The following VWA3B variants were observed in gnomAD, a reference collection of about 807,000 sequenced individuals.
VWA3B encodes the protein von Willebrand factor A domain containing 3B, also known as von Willebrand factor A domain-containing protein 3B.
VWA3B carries 138 observed loss-of-function variants against 158.3 expected under a neutral mutation model. The ratio of observed to expected loss-of-function variants is 0.87; its 90% confidence interval spans 0.76 to 1.00. VWA3B has a LOEUF of 1.00. Among genes scored for constraint, VWA3B ranks in the 50% least tolerant of loss-of-function variants. The pLI, the probability that VWA3B is intolerant of heterozygous loss-of-function variation, is 0.00. For missense variants in VWA3B, 1,555 were observed against 1,565.1 expected, an observed-to-expected ratio of 0.99 and a Z score of 0.11; for synonymous variants, 596 against 587.3, an observed-to-expected ratio of 1.01 and a Z score of -0.21.
intron 7 of VWA3B, among the ~76,000 whole-genome samples, chr2:98,152,143 G>T (rs1677689471): frequency 6.6e-6 from 1 of 152,200 alleles, no homozygotes; most frequent in Non-Finnish European, 1.5e-5. Flanking sequence ...AATCAGGAGT[G>T]CCTGTCCTTC....
At chr2:98,200,991 G>T (rs1404463369) in intron 12 of VWA3B, among the ~76,000 whole-genome samples, 10 of 152,186 alleles carry the variant, frequency 6.6e-5, no homozygotes, top group Admixed American at 5.9e-4. Context: ...ATAGGTGTCT[G>T]TTCTTTCACC....
At chr2:98,297,352 G>A (rs191073729) in intron 23 of VWA3B, among the ~76,000 whole-genome samples, 198 of 152,316 alleles carry the variant, frequency 1.3e-3, no homozygotes, top group African/African-American at 4.5e-3. Flanking sequence ...AAGGTTCTGA[G>A]ATTACAGGTG....
At chr2:98,203,146 C>T (rs776972647) in intron 12 of VWA3B, among the ~76,000 whole-genome samples, 12 of 151,944 alleles carry the variant, frequency 7.9e-5, no homozygotes, top group South Asian at 2.1e-4. Flanking sequence ...ATTTATTTTT[C>T]GCCTATGAAT....
intron 3 of VWA3B, 36 bp from the exon 4 acceptor site, chr2:98,119,477 G>A: frequency 1.2e-6 from 2 of 1,608,294 alleles, no homozygotes; most frequent in Non-Finnish European, 1.7e-6. Flanking sequence ...TTATTTTGGT[G>A]TTGTTTTATT....
At position 98,160,586 on chromosome 2, in the gene VWA3B, T is replaced by A. The variant is rs186140040; in HGVS notation, c.989-2265T>A. On this transcript the variant is annotated intron_variant, in intron 7 of 27. Transcript: ENST00000477737. Reference sequence around the variant, plus strand: ...TGACCCTGCCCTGTGGTGTACTCCCTCTTAAGATATTATTGACAAGTCTAG... The same window carrying A: ...TGACCCTGCCCTGTGGTGTACTCCCACTTAAGATATTATTGACAAGTCTAG... Among the ~76,000 whole-genome samples the A allele has an allele frequency of 1.5e-4, 23 of 152,328 alleles. 1 individual carries two copies. The highest frequency in any genetic ancestry group is 1.4e-3 in the Admixed American group (21 of 15,306).
At chr2:98,284,363 G>A (rs1054348105) in intron 22 of VWA3B, among the ~76,000 whole-genome samples, 2 of 152,140 alleles carry the variant, frequency 1.3e-5, no homozygotes, top group African/African-American at 4.8e-5. Context: ...ATGATAGATG[G>A]CTACAACAGA....
intron 12 of VWA3B, among the ~76,000 whole-genome samples, chr2:98,205,940 C>T (rs990145999): frequency 1.3e-5 from 2 of 152,186 alleles, no homozygotes; most frequent in Non-Finnish European, 2.9e-5. Context: ...TTCTGTGACT[C>T]AAGATATGGT....
chr2:98,147,506 T>G (rs1029716731), intron 7 of VWA3B, among the ~76,000 whole-genome samples: 3 of 152,232 alleles, frequency 2.0e-5, no homozygotes, highest in Admixed American at 2.0e-4. Context: ...AATTTTCTAC[T>G]TAATATAGAA....
intron 21 of VWA3B, among the ~76,000 whole-genome samples, chr2:98,258,296 C>T (rs1687280363): frequency 6.6e-6 from 1 of 151,558 alleles, no homozygotes; most frequent in Admixed American, 6.6e-5. Flanking sequence ...AATATGAGTC[C>T]TTCAACTTTG....
chr2:98,230,503 G>C (rs1179839178), intron 16 of VWA3B, among the ~76,000 whole-genome samples: 1 of 152,128 alleles, frequency 6.6e-6, no homozygotes, highest in East Asian at 1.9e-4. Context: ...GTACCCGTGT[G>C]AGTGTGTGTG....
At chr2:98,132,988 G>C (rs1675995168) in intron 6 of VWA3B, among the ~76,000 whole-genome samples, 1 of 152,154 alleles carries the variant, frequency 6.6e-6, no homozygotes, top group African/African-American at 2.4e-5. Flanking sequence ...AGGCAGAGAC[G>C]GAACTCCTGC....
chr2:98,091,842 A>G lies in VWA3B; in HGVS notation c.-32-1219A>G, dbSNP rs184453720. On this transcript the variant is annotated intron_variant, in intron 1 of 27. Coordinates refer to ENST00000477737, the MANE Select transcript of VWA3B (RefSeq NM_144992.5). Reference sequence around the variant, plus strand: ...AGGGTATCAGTTTACATGCATTGTGAATTCTGGATACAGAAGTAAGCAGAA... The same window carrying G: ...AGGGTATCAGTTTACATGCATTGTGGATTCTGGATACAGAAGTAAGCAGAA... Among the ~76,000 whole-genome samples, 127 of 152,350 alleles carry G rather than the reference A, an allele frequency of 8.3e-4. 1 individual carries two copies. Among genetic ancestry groups the G allele is most frequent in the Admixed American group, 7.7e-3 (118 of 15,312 alleles).
At position 98,312,745 on chromosome 2, in the gene VWA3B, A is replaced by AT. The variant is rs201007070; in HGVS notation, c.*396_*397insT. 7.7e-3 allele frequency: 1,331 copies of AT among 172,982 alleles called. 20 individuals carry two copies. Among genetic ancestry groups the AT allele is most frequent in the African/African-American group, 0.03 (1,256 of 42,158 alleles). 10.7% of individuals were successfully genotyped at this position (172,982 alleles called of 1,614,324 possible). A position where few individuals can be genotyped will look rare whatever the true frequency, so the allele number is the denominator to read the frequency against. The stretch of plus-strand genomic sequence containing the variant: ...ATTAATTATCACATCTAAATTAGAG[A>AT]ATTTGTCACCCAATATTAGGACTGA... On this transcript the variant is annotated 3_prime_UTR_variant, in exon 28 of 28. Coordinates refer to ENST00000477737, the MANE Select transcript of VWA3B (RefSeq NM_144992.5).
At chr2:98,166,981 T>C (rs1390141241) in intron 8 of VWA3B, among the ~76,000 whole-genome samples, 1 of 152,146 alleles carries the variant, frequency 6.6e-6, no homozygotes, top group Admixed American at 6.6e-5. Context: ...ATACCACGTG[T>C]CCGACCTGCT....
chr2:98,119,285 T>C (rs1189881597), intron 3 of VWA3B, among the ~76,000 whole-genome samples: 1 of 152,208 alleles, frequency 6.6e-6, no homozygotes, highest in Non-Finnish European at 1.5e-5. Context: ...GGAAAGATAT[T>C]TTTTAAGGAC....
At chr2:98,105,522 GT>G (rs1673574595) in intron 2 of VWA3B, among the ~76,000 whole-genome samples, 1 of 151,986 alleles carries the variant, frequency 6.6e-6, no homozygotes, top group African/African-American at 2.4e-5. Flanking sequence ...CCCCTCCTAT[GT>G]TTTTTTCTAA....
chr2:98,123,409 G>A (rs924230553), intron 5 of VWA3B, among the ~76,000 whole-genome samples: 6 of 152,186 alleles, frequency 3.9e-5, no homozygotes, highest in African/African-American at 1.2e-4. Context: ...GCTGAACCAC[G>A]TGCTTGGTCA....
At chr2:98,288,876 C>T (rs62155279) in intron 22 of VWA3B, among the ~76,000 whole-genome samples, 5,934 of 152,272 alleles carry the variant, frequency 0.039, 167 homozygotes, top group Middle Eastern at 0.075. Flanking sequence ...TATGCTTTTT[C>T]TTTCCCCTTT....
At chr2:98,139,327 G>T (rs1676551234) in intron 7 of VWA3B, among the ~76,000 whole-genome samples, 1 of 152,226 alleles carries the variant, frequency 6.6e-6, no homozygotes, top group Non-Finnish European at 1.5e-5. Context: ...TCCCCGACGA[G>T]CGCCACCCCC....
Sources: allele counts gnomAD v4.1 joint callset (sites outside exome capture counted in the v4.1 genomes callset), GRCh38; gene constraint gnomAD v4.1.1; transcripts MANE v1.5; gene names NCBI Gene and HGNC (gene_info 2026-07-23, HGNC 2026-07-21).